Variants in CCSER1 observed in about 807,000 individuals in gnomAD.
CCSER1 encodes coiled-coil serine rich protein 1.
In CCSER1, 41 loss-of-function variants were observed where a neutral mutation model predicts 82.0. That is an observed-to-expected ratio of 0.50 (90% confidence interval 0.39 to 0.65). The LOEUF (loss-of-function observed/expected upper bound fraction) is 0.65. Among genes scored for constraint, CCSER1 ranks in the 30% least tolerant of loss-of-function variants. The probability of loss-of-function intolerance (pLI) is 0.00; values close to 1 mark genes in which losing one functional copy is unlikely to be tolerated. For missense variants in CCSER1, 1,119 were observed against 1,064.2 expected (o/e 1.05, Z -0.72); for synonymous variants, 414 against 383.9 (o/e 1.08, Z -0.92).
chr4:90,140,198 A>G (rs1398682173), intron 1 of CCSER1, among the ~76,000 whole-genome samples: 2 of 152,250 alleles, frequency 1.3e-5, no homozygotes, highest in African/African-American at 4.8e-5. Context: ...TCTATCTAAA[A>G]TAAAAGTTGC....
chr4:90,986,844 G>A (rs957066669), intron 9 of CCSER1, among the ~76,000 whole-genome samples: 3 of 151,648 alleles, frequency 2.0e-5, no homozygotes, highest in Non-Finnish European at 2.9e-5. Flanking sequence ...CCATAACAAC[G>A]CCTTCGGAGA....
At chr4:91,333,986 GT>G (rs1747137597) in intron 10 of CCSER1, among the ~76,000 whole-genome samples, 1 of 152,036 alleles carries the variant, frequency 6.6e-6, no homozygotes, top group Non-Finnish European at 1.5e-5. Flanking sequence ...TTATTAATGT[GT>G]TTTGGAAAAT....
chr4:91,601,154 G>A lies in CCSER1; in HGVS notation c.*2097G>A, dbSNP rs1222875419. On this transcript the variant is annotated 3_prime_UTR_variant, in exon 11 of 11. Transcript: ENST00000509176. Reference sequence around the variant, plus strand: ...GTTTTTGATTTGGACTTTTGGAGTTGATAGTTTTGTTTTCCTGGAAGATAG... The same window carrying A: ...GTTTTTGATTTGGACTTTTGGAGTTAATAGTTTTGTTTTCCTGGAAGATAG... 6.6e-6 allele frequency: 1 copy of A among 151,948 alleles called. No individual in the cohort carries two copies. The highest frequency in any genetic ancestry group is 1.5e-5 in the Non-Finnish European group (1 of 67,932). The allele number at this position is 151,948 out of a possible 1,614,324, so 9.4% of individuals were successfully genotyped here.
chr4:90,364,444 T>C (rs188592955), intron 3 of CCSER1, among the ~76,000 whole-genome samples: 1 of 152,120 alleles, frequency 6.6e-6, no homozygotes, highest in African/African-American at 2.4e-5. Flanking sequence ...TTTTAGAAGT[T>C]AGAAGAAAAT....
At chr4:90,208,505 G>T (rs1739344363) in intron 1 of CCSER1, among the ~76,000 whole-genome samples, 1 of 151,790 alleles carries the variant, frequency 6.6e-6, no homozygotes, top group Non-Finnish European at 1.5e-5. Context: ...CTTTCCAGGG[G>T]CGTGAACGGT....
intron 10 of CCSER1, among the ~76,000 whole-genome samples, chr4:91,315,540 G>C (rs1308623563): frequency 1.3e-5 from 2 of 151,940 alleles, no homozygotes. Flanking sequence ...ATTTTCTATA[G>C]GCAAGGCACT....
chr4:91,149,023 T>C (rs1560468153), intron 10 of CCSER1, among the ~76,000 whole-genome samples: 1 of 151,222 alleles, frequency 6.6e-6, no homozygotes, highest in Non-Finnish European at 1.5e-5. Flanking sequence ...CTGGGTCAAA[T>C]ATTTCTAGAT....
At chr4:90,705,409 A>G (rs1038994862) in intron 6 of CCSER1, among the ~76,000 whole-genome samples, 2 of 152,140 alleles carry the variant, frequency 1.3e-5, no homozygotes, top group African/African-American at 4.8e-5. Flanking sequence ...CAGTTAGGCT[A>G]TTCGGGGGTC....
intron 10 of CCSER1, among the ~76,000 whole-genome samples, chr4:91,186,987 G>A (rs975911240): frequency 2.6e-5 from 4 of 152,230 alleles, no homozygotes; most frequent in Admixed American, 1.3e-4. Flanking sequence ...CAGTTTTGGA[G>A]CTAGTTTATG....
At chr4:91,064,255 C>T (rs1419449880) in intron 9 of CCSER1, among the ~76,000 whole-genome samples, 1 of 152,080 alleles carries the variant, frequency 6.6e-6, no homozygotes. Context: ...TAGTTTTCTC[C>T]CATATCATGA....
intron 2 of CCSER1, among the ~76,000 whole-genome samples, chr4:90,312,655 G>A (rs997937372): frequency 4.6e-5 from 7 of 152,114 alleles, no homozygotes; most frequent in South Asian, 2.1e-4. Flanking sequence ...TGTGAGCAAC[G>A]AAGCAACAAA....
chr4:91,295,376 G>T (rs895812055), intron 10 of CCSER1, among the ~76,000 whole-genome samples: 1 of 151,806 alleles, frequency 6.6e-6, no homozygotes, highest in Non-Finnish European at 1.5e-5. Flanking sequence ...AAGAAATACA[G>T]TATTGTTTGT....
chr4:91,562,457 G>C (rs1425556625), intron 10 of CCSER1, among the ~76,000 whole-genome samples: 2 of 151,326 alleles, frequency 1.3e-5, no homozygotes, highest in Non-Finnish European at 3.0e-5. Context: ...ATGGAATAAG[G>C]GTTTATCTTC....
chr4:91,486,742 G>A (rs945180980), intron 10 of CCSER1, among the ~76,000 whole-genome samples: 22 of 151,998 alleles, frequency 1.4e-4, no homozygotes, highest in Non-Finnish European at 1.5e-5. Context: ...CAACTACTAT[G>A]CCATTTTATA....
chr4:91,142,219 C>G (rs1729109895), intron 10 of CCSER1, among the ~76,000 whole-genome samples: 1 of 152,104 alleles, frequency 6.6e-6, no homozygotes, highest in African/African-American at 2.4e-5. Flanking sequence ...GTCACAAGAT[C>G]TCATGGTTTT....
intron 4 of CCSER1, among the ~76,000 whole-genome samples, chr4:90,409,968 AG>A (rs1382762316): frequency 6.6e-6 from 1 of 152,174 alleles, no homozygotes; most frequent in Admixed American, 6.5e-5. Flanking sequence ...AAAAAAAGGC[AG>A]GGGTTGCAAT....
At chr4:91,080,730 G>T (rs1242782262) in intron 9 of CCSER1, among the ~76,000 whole-genome samples, 1 of 151,908 alleles carries the variant, frequency 6.6e-6, no homozygotes, top group Non-Finnish European at 1.5e-5. Context: ...AATGATAAAG[G>T]GGATATCACC....
chr4:91,039,161 G>A (rs1002753050), intron 9 of CCSER1, among the ~76,000 whole-genome samples: 1 of 151,928 alleles, frequency 6.6e-6, no homozygotes, highest in African/African-American at 2.4e-5. Flanking sequence ...CTGAGTATCT[G>A]GGACTAAGGC....
At chr4:90,674,357 G>C (rs1398762523) in intron 6 of CCSER1, among the ~76,000 whole-genome samples, 1 of 151,882 alleles carries the variant, frequency 6.6e-6, no homozygotes, top group Non-Finnish European at 1.5e-5. Context: ...CTGAGAGCAG[G>C]CATCTTATTG....
Sources: gnomAD v4.1 joint callset for allele counts (sites outside exome capture counted in the v4.1 genomes callset) on GRCh38, gnomAD v4.1.1 for gene constraint, MANE v1.5 for transcripts, NCBI Gene and HGNC (gene_info 2026-07-23, HGNC 2026-07-21) for gene names.